Variants in TEX11 observed in about 807,000 individuals in gnomAD.
TEX11 encodes the protein testis expressed 11.
A neutral mutation model predicts 84.4 loss-of-function variants in TEX11; 7 were observed. The observed-to-expected ratio is 0.08, with a 90% CI of 0.05 to 0.16. TEX11 has a LOEUF of 0.16. TEX11 is among the 10% of genes least tolerant of loss of function. TEX11 has a pLI of 1.00. For missense variants in TEX11, 551 were observed against 660.5 expected (o/e 0.83, Z 1.82); for synonymous variants, 264 against 222.8 (o/e 1.18, Z -1.64).
chrX:70,644,864 TATAC>T (rs2089720256), intron 17 of TEX11, among the ~76,000 whole-genome samples: 1 of 103,700 alleles, frequency 9.6e-6, no homozygotes, highest in Non-Finnish European at 2.0e-5. Context: ...ATGGCACATG[TATAC>T]ATATGTAACT....
intron 9 of TEX11, among the ~76,000 whole-genome samples, chrX:70,752,635 C>G (rs976794817): frequency 9.1e-6 from 1 of 109,306 alleles, no homozygotes; most frequent in Non-Finnish European, 1.9e-5. Flanking sequence ...ATCAGCAATT[C>G]CAGAGGTGGA....
At chrX:70,619,881 T>C (rs1386466037) in intron 20 of TEX11, among the ~76,000 whole-genome samples, 1 of 108,148 alleles carries the variant, frequency 9.2e-6, no homozygotes, top group East Asian at 2.9e-4. Flanking sequence ...CAATCTCGGC[T>C]CACTGCAAGC....
In TEX11 at chrX:70,529,125, A is replaced by T. The variant is rs1183769925; in HGVS notation, c.2748T>A (p.His916Gln). The change falls in exon 30 of 30, where the codon CAT becomes CAA. Residue 916 changes from histidine (H) to glutamine (Q), a missense_variant. By Grantham distance (24) the His-to-Gln change is conservative. Transcript: ENST00000374333. Reference sequence around the variant, plus strand: ...CTGACTTGCTCCAGTAGCCATGTTCATGAAAAACTGGGCCCTTGTTGTTAC... The same window carrying T: ...CTGACTTGCTCCAGTAGCCATGTTCTTGAAAAACTGGGCCCTTGTTGTTAC... ...ALSNNKGPVF[H>Q]EHGYWSKSD 9.1e-6 allele frequency: 11 copies of T among 1,209,080 alleles called. No homozygotes were observed. The Admixed American group carries it at 2.0e-4, about 22-fold the overall frequency.
chrX:70,644,435 G>C (rs1402763157), intron 17 of TEX11, among the ~76,000 whole-genome samples: 5 of 104,655 alleles, frequency 4.8e-5, no homozygotes, highest in Non-Finnish European at 7.8e-5. Flanking sequence ...TATACCCAAA[G>C]GACTATAAAT....
intron 9 of TEX11, among the ~76,000 whole-genome samples, chrX:70,769,758 T>A (rs1171865028): frequency 9.0e-6 from 1 of 111,496 alleles, no homozygotes; most frequent in Non-Finnish European, 1.9e-5. Context: ...TCTGTAAGAT[T>A]TCTTCCAGCT....
intron 28 of TEX11, among the ~76,000 whole-genome samples, chrX:70,539,155 C>T (rs1259174250): frequency 5.7e-5 from 6 of 104,531 alleles, no homozygotes; most frequent in Non-Finnish European, 1.2e-4. Context: ...CGGCCTCAGC[C>T]TCCCAAGTAG....
intron 11 of TEX11, among the ~76,000 whole-genome samples, 172 bp from the exon 12 acceptor site, chrX:70,725,515 A>G (rs2090593165): frequency 8.9e-6 from 1 of 112,102 alleles, no homozygotes; most frequent in Non-Finnish European, 1.9e-5. Flanking sequence ...ATATTTCCCA[A>G]TATTTTTTCA....
At chrX:70,642,508 C>A (rs2089675350) in intron 17 of TEX11, among the ~76,000 whole-genome samples, 2 of 104,947 alleles carry the variant, frequency 1.9e-5, no homozygotes, top group Non-Finnish European at 3.9e-5. Flanking sequence ...AACATTGATG[C>A]AAAAATCCTC....
intron 25 of TEX11, among the ~76,000 whole-genome samples, chrX:70,578,377 G>A (rs750853168): frequency 1.6e-3 from 179 of 111,567 alleles, no homozygotes; most frequent in African/African-American, 5.6e-3. Context: ...AGTCACTGAT[G>A]GGTGGGAAAT....
rs1011541356 is a variant in TEX11 at position 70,712,080 on chromosome X, G to T, written c.1004+10538C>A. ...CCCATTTCTTGTTTTTGTCAGGTTT[G>T]TCAAAGATCAGATAGTTGTAGATAT... On this transcript the variant is annotated intron_variant, in intron 13 of 29. Transcript: ENST00000374333. Among the ~76,000 whole-genome samples, 51 of 111,527 alleles carry T rather than the reference G, an allele frequency of 4.6e-4. 1 individual carries two copies. In the East Asian group the frequency reaches 6.1e-3, roughly 13 times the overall value.
intron 9 of TEX11, among the ~76,000 whole-genome samples, chrX:70,754,569 C>T (rs1275523696): frequency 9.0e-6 from 1 of 111,676 alleles, no homozygotes; most frequent in Non-Finnish European, 1.9e-5. Context: ...GGCTTTGCTA[C>T]CTACTGACTA....
At chrX:70,907,420 T>TC (rs1172724224) in intron 2 of TEX11, among the ~76,000 whole-genome samples, 10 of 107,837 alleles carry the variant, frequency 9.3e-5, no homozygotes, top group Admixed American at 2.0e-4. Context: ...TTTTTTTTTT[T>TC]TTTTGAGACG....
intron 12 of TEX11, among the ~76,000 whole-genome samples, chrX:70,723,509 A>G (rs968451568): frequency 5.4e-5 from 6 of 111,937 alleles, no homozygotes; most frequent in Non-Finnish European, 1.1e-4. Flanking sequence ...AACTAAGAGA[A>G]AAAATACTGA....
intron 4 of TEX11, among the ~76,000 whole-genome samples, chrX:70,864,394 A>T: frequency 9.0e-6 from 1 of 111,064 alleles, no homozygotes; most frequent in South Asian, 3.8e-4. Context: ...TCTCTGCAGA[A>T]ATCCTACAAG....
chrX:70,897,531 A>T (rs1250506630), intron 2 of TEX11: 1 of 104,902 alleles, frequency 9.5e-6, no homozygotes. Context: ...CGGAGGTTGC[A>T]GTGAGCCGAG....
intron 28 of TEX11, among the ~76,000 whole-genome samples, chrX:70,550,844 G>A (rs1020648838): frequency 1.8e-5 from 2 of 111,441 alleles, no homozygotes; most frequent in African/African-American, 6.5e-5. Context: ...CAGTTCGGAG[G>A]TTCCTCAAAA....
intron 25 of TEX11, among the ~76,000 whole-genome samples, chrX:70,577,630 A>G (rs1220556413): frequency 8.9e-6 from 1 of 111,796 alleles, no homozygotes; most frequent in Non-Finnish European, 1.9e-5. Context: ...ATGAAATGCA[A>G]ATTGAAATTG....
intron 11 of TEX11, among the ~76,000 whole-genome samples, chrX:70,740,468 G>T (rs2090726016): frequency 9.0e-6 from 1 of 111,444 alleles, no homozygotes; most frequent in African/African-American, 3.3e-5. Context: ...ACACCAAAAA[G>T]TCCCCACCTC....
At chrX:70,679,742 G>GC (rs1272135953) in intron 14 of TEX11, among the ~76,000 whole-genome samples, 1 of 107,282 alleles carries the variant, frequency 9.3e-6, no homozygotes, top group African/African-American at 3.4e-5. Flanking sequence ...GGGGGGGTCA[G>GC]CCCCCCGCCC....
Sources: gnomAD v4.1 joint callset for allele counts (sites outside exome capture counted in the v4.1 genomes callset) on GRCh38, gnomAD v4.1.1 for gene constraint, MANE v1.5 for transcripts, NCBI Gene and HGNC (gene_info 2026-07-23, HGNC 2026-07-21) for gene names.